The following MECOM variants were observed in gnomAD, a reference collection of about 807,000 sequenced individuals.
The protein encoded by MECOM is MDS1 and EVI1 complex locus, also known as histone-lysine N-methyltransferase MECOM.
Under a neutral mutation model 116.3 loss-of-function variants are expected in MECOM, and 13 were observed. That is an observed-to-expected ratio of 0.11 (90% CI 0.07 to 0.18). MECOM has a LOEUF of 0.18. Among genes scored for constraint, MECOM ranks in the 10% least tolerant of loss-of-function variants. The probability of loss-of-function intolerance (pLI) is 1.00; values close to 1 mark genes in which losing one functional copy is unlikely to be tolerated. For missense variants in MECOM, 1,299 were observed against 1,509.0 expected (o/e 0.86, Z 2.31); for synonymous variants, 528 against 535.2 (o/e 0.99, Z 0.19).
At chr3:169,467,132 T>C (rs888871911) in intron 1 of MECOM, 1 of 152,180 alleles carries the variant, frequency 6.6e-6, no homozygotes, top group African/African-American at 2.4e-5. Flanking sequence ...GCAGGTTTAT[T>C]TCTTGTTTGT....
At chr3:169,293,808 C>T (rs921067669) in intron 2 of MECOM, among the ~76,000 whole-genome samples, 1 of 151,430 alleles carries the variant, frequency 6.6e-6, no homozygotes, top group Non-Finnish European at 1.5e-5. Flanking sequence ...TTTATTGAAT[C>T]AATGATTTGA....
At chr3:169,148,466 C>T (rs1463403490) in intron 2 of MECOM, among the ~76,000 whole-genome samples, 2 of 152,180 alleles carry the variant, frequency 1.3e-5, no homozygotes, top group Non-Finnish European at 2.9e-5. Context: ...CAGATTTATT[C>T]ATGGCCAACT....
intron 2 of MECOM, among the ~76,000 whole-genome samples, chr3:169,377,165 A>G (rs1224525417): frequency 6.6e-6 from 1 of 152,200 alleles, no homozygotes; most frequent in Admixed American, 6.6e-5. Context: ...TATACCCTAT[A>G]CAAAAATTAA....
intron 2 of MECOM, among the ~76,000 whole-genome samples, chr3:169,180,372 A>G (rs943271778): frequency 5.9e-5 from 9 of 152,294 alleles, no homozygotes; most frequent in Middle Eastern, 6.8e-3. Context: ...ACGTATACAT[A>G]CACACTATGT....
At chr3:169,654,999 G>A (rs1354999201) in intron 1 of MECOM, among the ~76,000 whole-genome samples, 1 of 152,184 alleles carries the variant, frequency 6.6e-6, no homozygotes, top group East Asian at 1.9e-4. Context: ...ATTGCAGGCA[G>A]AGGTGTTTGG....
chr3:169,481,078 G>GC lies in MECOM; in HGVS notation c.38-99555dup, dbSNP rs946730554. ...AACTTTATAAAAATAAATAACACCT[G>GC]CCCCCCCAAAAAAGCAAATCATCAC... On this transcript the variant is annotated intron_variant, in intron 1 of 16. Transcript: ENST00000651503. Among the ~76,000 whole-genome samples, 7 of 151,840 alleles carry GC rather than the reference G, an allele frequency of 4.6e-5. No individual in the cohort carries two copies. The South Asian group carries it at 6.3e-4, about 14-fold the overall frequency.
At chr3:169,524,039 A>AATATAT (rs10575336) in intron 1 of MECOM, among the ~76,000 whole-genome samples, 1,548 of 138,190 alleles carry the variant, frequency 0.011, 7 homozygotes, top group South Asian at 0.025. Context: ...TATATGAATA[A>AATATAT]ATATATATAT....
rs976597177 is a variant in MECOM at position 169,183,729 on chromosome 3, T to G, written c.376-39897A>C. ...AAAGCAATCTGGAGGTAGAAGCAACTGATACGTTAAGGACTGTAGAAGATA... is the reference window on the plus strand; with the variant it reads ...AAAGCAATCTGGAGGTAGAAGCAACGGATACGTTAAGGACTGTAGAAGATA... On this transcript the variant is annotated intron_variant, in intron 2 of 16. Coordinates refer to ENST00000651503, the MANE Select transcript of MECOM (RefSeq NM_004991.4). Among the ~76,000 whole-genome samples the G allele has an allele frequency of 3.6e-5, 5 of 137,328 alleles. No homozygotes were observed. The South Asian group carries it at 1.2e-3, about 32-fold the overall frequency. The allele number at this position is 137,328 out of a possible 152,430, so 90.1% of individuals were successfully genotyped here. A position where few individuals can be genotyped will look rare whatever the true frequency, so the allele number is the denominator to read the frequency against.
intron 1 of MECOM, among the ~76,000 whole-genome samples, chr3:169,493,971 C>T (rs149386690): frequency 2.1e-3 from 320 of 152,104 alleles, no homozygotes; most frequent in African/African-American, 6.9e-3. Flanking sequence ...TAACCTTAAA[C>T]GGTAGGAAAG....
chr3:169,482,386 C>T (rs1339447133), intron 1 of MECOM, among the ~76,000 whole-genome samples: 1 of 138,780 alleles, frequency 7.2e-6, no homozygotes, highest in Non-Finnish European at 1.5e-5. Context: ...GGCTGGAATG[C>T]AGCGGTGCAA....
intron 1 of MECOM, among the ~76,000 whole-genome samples, chr3:169,421,479 C>T (rs1166116635): frequency 2.0e-5 from 3 of 152,068 alleles, no homozygotes; most frequent in Non-Finnish European, 2.9e-5. Flanking sequence ...GGCAGTAGAT[C>T]TAATTCTTGC....
chr3:169,641,552 TGG>T (rs1280198869), intron 1 of MECOM, among the ~76,000 whole-genome samples: 1 of 152,254 alleles, frequency 6.6e-6, no homozygotes, highest in African/African-American at 2.4e-5. Context: ...CCTGCAAGTA[TGG>T]GGCATTATCA....
chr3:169,111,744 ACTC>A (rs1310440740), intron 9 of MECOM, among the ~76,000 whole-genome samples: 1 of 151,986 alleles, frequency 6.6e-6, no homozygotes. Flanking sequence ...TTGTGTTACA[ACTC>A]TCATACTCTT....
chr3:169,521,588 T>A (rs1328626910), intron 1 of MECOM, among the ~76,000 whole-genome samples: 1 of 152,218 alleles, frequency 6.6e-6, no homozygotes, highest in East Asian at 1.9e-4. Flanking sequence ...CTGAGATGTG[T>A]GGATCAGACC....
chr3:169,241,504 G>T (rs1437168439), intron 2 of MECOM, among the ~76,000 whole-genome samples: 1 of 152,090 alleles, frequency 6.6e-6, no homozygotes, highest in Non-Finnish European at 1.5e-5. Context: ...TTTTGTTTAT[G>T]GAATGTACCT....
At chr3:169,218,533 C>T (rs1022300860) in intron 2 of MECOM, among the ~76,000 whole-genome samples, 2 of 152,096 alleles carry the variant, frequency 1.3e-5, no homozygotes, top group Admixed American at 6.5e-5. Flanking sequence ...TTTTACAAAT[C>T]AAGGAGTGCT....
chr3:169,360,387 G>A (rs183398590), intron 2 of MECOM, among the ~76,000 whole-genome samples: 1 of 147,158 alleles, frequency 6.8e-6, no homozygotes, highest in Admixed American at 6.9e-5. Context: ...TGGTTCAAAG[G>A]CAATGATGAA....
intron 2 of MECOM, among the ~76,000 whole-genome samples, chr3:169,162,003 C>T (rs1742922402): frequency 6.6e-6 from 1 of 152,182 alleles, no homozygotes; most frequent in Admixed American, 6.5e-5. Flanking sequence ...AGCTGAGCCA[C>T]CCCTGAATTC....
At chr3:169,662,293 A>T (rs1339338245) in intron 1 of MECOM, among the ~76,000 whole-genome samples, 1 of 152,144 alleles carries the variant, frequency 6.6e-6, no homozygotes, top group African/African-American at 2.4e-5. Flanking sequence ...ACCCAGACGA[A>T]GCGCCGGAGG....
Sources: allele counts gnomAD v4.1 joint callset (sites outside exome capture counted in the v4.1 genomes callset), GRCh38; gene constraint gnomAD v4.1.1; transcripts MANE v1.5; gene names NCBI Gene and HGNC (gene_info 2026-07-23, HGNC 2026-07-21).